The following SERTM1 variants were observed in gnomAD, a reference collection of about 807,000 sequenced individuals.
SERTM1 encodes serine-rich and transmembrane domain-containing protein 1.
A neutral mutation model predicts 5.5 loss-of-function variants in SERTM1; 1 was observed. The observed-to-expected ratio is 0.18, with a 90% CI of 0.06 to 0.86. The LOEUF (loss-of-function observed/expected upper bound fraction) is 0.86, where lower values mean the gene tolerates loss of function less well. Among genes scored for constraint, SERTM1 ranks in the 40% least tolerant of loss-of-function variants. SERTM1 has a pLI of 0.69. For missense variants in SERTM1, 91 were observed against 122.4 expected, an observed-to-expected ratio of 0.74 and a Z score of 1.21; for synonymous variants, 52 against 55.1, an observed-to-expected ratio of 0.94 and a Z score of 0.25.
chr13:36,680,538 A>G lies in SERTM1; in HGVS notation c.-174+6354A>G, dbSNP rs945775954. Among the ~76,000 whole-genome samples the G allele has an allele frequency of 2.0e-5, 3 of 152,200 alleles. No homozygotes were observed. The South Asian group carries it at 6.2e-4, about 32-fold the overall frequency. On this transcript the variant is annotated intron_variant, in intron 1 of 1. Coordinates refer to ENST00000315190, the MANE Select transcript of SERTM1 (RefSeq NM_203451.3). ...CCCTCAATTTGTGGTCTCTTTCACT[A>G]GCTGGAGTTCCTACTACATATCCTT...
chr13:36,688,047 T>G (rs1486597178), intron 1 of SERTM1, among the ~76,000 whole-genome samples: 1 of 152,094 alleles, frequency 6.6e-6, no homozygotes, highest in African/African-American at 2.4e-5. Flanking sequence ...TTTCCAAATA[T>G]CACTCTCTAT....
At chr13:36,681,788 C>T (rs1260076114) in intron 1 of SERTM1, among the ~76,000 whole-genome samples, 2 of 152,284 alleles carry the variant, frequency 1.3e-5, no homozygotes, top group East Asian at 3.9e-4. Flanking sequence ...GGTAAACTCT[C>T]TTGATTTTTA....
chr13:36,674,715 C>T (rs1052901795), intron 1 of SERTM1, among the ~76,000 whole-genome samples: 1 of 152,116 alleles, frequency 6.6e-6, no homozygotes, highest in African/African-American at 2.4e-5. Context: ...AACGGGGACT[C>T]GCCATGCGCA....
chr13:36,696,413 ATG>A lies in SERTM1; in HGVS notation c.*1015_*1016del, dbSNP rs1386895145. 2 of 165,662 alleles carry A rather than the reference ATG, an allele frequency of 1.2e-5. No homozygotes were observed. Among genetic ancestry groups the A allele is most frequent in the African/African-American group, 4.8e-5 (2 of 41,462 alleles). 10.3% of individuals were successfully genotyped at this position (165,662 alleles called of 1,614,324 possible). On this transcript the variant is annotated 3_prime_UTR_variant, in exon 2 of 2. Coordinates refer to ENST00000315190, the MANE Select transcript of SERTM1 (RefSeq NM_203451.3). The stretch of plus-strand genomic sequence containing the variant: ...AACTTAGAAACTAAATTGCAAATAT[ATG>A]TGTTATTATATACTCCACGAATGTT...
chr13:36,692,255 C>T (rs950169860), intron 1 of SERTM1, among the ~76,000 whole-genome samples: 1 of 152,222 alleles, frequency 6.6e-6, no homozygotes, highest in Non-Finnish European at 1.5e-5. Context: ...ATAAACTCTC[C>T]TGTCAACAGT....
At chr13:36,686,195 A>G (rs778548504) in intron 1 of SERTM1, among the ~76,000 whole-genome samples, 2 of 152,214 alleles carry the variant, frequency 1.3e-5, no homozygotes, top group Non-Finnish European at 2.9e-5. Context: ...TTTCCTGGTC[A>G]TATTCAGCTC....
chr13:36,688,188 G>A (rs570968186), intron 1 of SERTM1, among the ~76,000 whole-genome samples: 6 of 151,846 alleles, frequency 4.0e-5, no homozygotes, highest in Admixed American at 6.6e-5. Flanking sequence ...AGCACGGCAT[G>A]GTTTTATGAG....
chr13:36,684,205 G>A (rs1388898891), intron 1 of SERTM1, among the ~76,000 whole-genome samples: 1 of 152,132 alleles, frequency 6.6e-6, no homozygotes, highest in African/African-American at 2.4e-5. Flanking sequence ...GCTGAGGCAT[G>A]AGAATCGCTT....
intron 1 of SERTM1, among the ~76,000 whole-genome samples, chr13:36,685,942 T>A (rs1456000244): frequency 6.6e-6 from 1 of 152,176 alleles, no homozygotes; most frequent in Non-Finnish European, 1.5e-5. Context: ...TACTCATTGG[T>A]CCTCATTAGA....
chr13:36,675,698 C>G (rs1011492759), intron 1 of SERTM1, among the ~76,000 whole-genome samples: 1 of 152,140 alleles, frequency 6.6e-6, no homozygotes, highest in African/African-American at 2.4e-5. Context: ...TTTAGTTGAT[C>G]TGTAAAGCAA....
intron 1 of SERTM1, among the ~76,000 whole-genome samples, chr13:36,686,739 A>G (rs113633528): frequency 2.0e-5 from 3 of 152,174 alleles, no homozygotes; most frequent in African/African-American, 7.2e-5. Flanking sequence ...TCTATATTCA[A>G]ATTTCCCCAG....
intron 1 of SERTM1, among the ~76,000 whole-genome samples, chr13:36,682,579 G>A (rs1229293754): frequency 6.6e-6 from 1 of 152,136 alleles, no homozygotes; most frequent in Non-Finnish European, 1.5e-5. Flanking sequence ...GAGAGGATAT[G>A]TACACATATA....
rs566690737 is a variant in SERTM1, at chr13:36,686,893, A to G, written c.-173-8013A>G. Among the ~76,000 whole-genome samples the G allele has an allele frequency of 3.9e-5, 6 of 152,300 alleles. No individual in the cohort carries two copies. The East Asian group carries it at 1.2e-3, about 29-fold the overall frequency. ...TTTTTCTCTGAGTATTCAGCTGACTACTAAAGAATATAATATGGCCAAAAC... is the reference window on the plus strand; with the variant it reads ...TTTTTCTCTGAGTATTCAGCTGACTGCTAAAGAATATAATATGGCCAAAAC... On this transcript the variant is annotated intron_variant, in intron 1 of 1. Coordinates refer to ENST00000315190, the MANE Select transcript of SERTM1 (RefSeq NM_203451.3).
chr13:36,691,583 A>G (rs1168561771), intron 1 of SERTM1, among the ~76,000 whole-genome samples: 2 of 152,102 alleles, frequency 1.3e-5, no homozygotes, highest in Non-Finnish European at 2.9e-5. Flanking sequence ...CAACTGTCTC[A>G]TTTTCCTTTC....
chr13:36,679,095 G>A (rs1285438603), intron 1 of SERTM1, among the ~76,000 whole-genome samples: 1 of 152,050 alleles, frequency 6.6e-6, no homozygotes, highest in Non-Finnish European at 1.5e-5. Flanking sequence ...ATATCATAAA[G>A]ACATAATTTA....
At chr13:36,674,703 G>C (rs999533702) in intron 1 of SERTM1, among the ~76,000 whole-genome samples, 1 of 152,146 alleles carries the variant, frequency 6.6e-6, no homozygotes, top group African/African-American at 2.4e-5. Flanking sequence ...TCCCTTCTCG[G>C]GAACGGGGAC....
At chr13:36,677,941 G>A (rs1178662634) in intron 1 of SERTM1, among the ~76,000 whole-genome samples, 1 of 152,034 alleles carries the variant, frequency 6.6e-6, no homozygotes, top group Non-Finnish European at 1.5e-5. Context: ...CCCCTGTTAG[G>A]AAGATTGACT....
intron 1 of SERTM1, among the ~76,000 whole-genome samples, chr13:36,688,554 G>A (rs906908361): frequency 1.3e-5 from 2 of 152,076 alleles, no homozygotes; most frequent in Admixed American, 6.5e-5. Flanking sequence ...CTAAAAATAA[G>A]CAAGACTTTT....
At chr13:36,685,190 T>C (rs562546863) in intron 1 of SERTM1, among the ~76,000 whole-genome samples, 48 of 152,346 alleles carry the variant, frequency 3.2e-4, no homozygotes, top group African/African-American at 1.1e-3. Context: ...TTTTCTTTAT[T>C]AACCAGACTT....
Sources: gnomAD v4.1 joint callset for allele counts (sites outside exome capture counted in the v4.1 genomes callset) on GRCh38, gnomAD v4.1.1 for gene constraint, MANE v1.5 for transcripts, NCBI Gene and HGNC (gene_info 2026-07-23, HGNC 2026-07-21) for gene names.